The following SLC16A7 variants were observed in gnomAD, a reference collection of about 807,000 sequenced individuals.
The protein encoded by SLC16A7 is solute carrier family 16 member 7, also known as monocarboxylate transporter 2.
A neutral mutation model predicts 34.9 loss-of-function variants in SLC16A7; 33 were observed. The observed-to-expected ratio is 0.94, with a 90% confidence interval of 0.72 to 1.26. SLC16A7 has a LOEUF of 1.26. SLC16A7 is among the 50% of genes most tolerant of loss of function. The pLI is 0.00. For synonymous variants in SLC16A7, 201 were observed against 206.6 expected (o/e 0.97, Z 0.23); for missense variants, 573 against 578.1 (o/e 0.99, Z 0.09).
chr12:59,707,681 G>A (rs1043462587), intron 3 of SLC16A7, among the ~76,000 whole-genome samples: 2 of 152,094 alleles, frequency 1.3e-5, no homozygotes, highest in African/African-American at 4.8e-5. Flanking sequence ...TATTAACAGG[G>A]ATTTTATATA....
intron 4 of SLC16A7, among the ~76,000 whole-genome samples, chr12:59,772,098 A>C (rs1592689052): frequency 6.6e-6 from 1 of 152,142 alleles, no homozygotes; most frequent in East Asian, 1.9e-4. Flanking sequence ...TATTAGGAAA[A>C]ATTGGACTTC....
Position 59,787,619 on chromosome 12 carries a change from A to G in SLC16A7, c.*7940A>G, listed in dbSNP as rs1883715857. On this transcript the variant is annotated 3_prime_UTR_variant, in exon 6 of 6. Transcript: ENST00000547379. ...TTCCCGGTAAAACTGTAAAAACAGT[A>G]ATCTGCATTCAGTATTTGTTTGCCT... The G allele has an allele frequency of 6.6e-6, 1 of 152,210 alleles. No individual in the cohort carries two copies. The highest frequency in any genetic ancestry group is 1.5e-5 in the Non-Finnish European group (1 of 68,034). The allele number at this position is 152,210 out of a possible 1,614,324, so 9.4% of individuals were successfully genotyped here.
intron 3 of SLC16A7, among the ~76,000 whole-genome samples, chr12:59,714,904 T>C (rs1874721252): frequency 6.6e-6 from 1 of 152,170 alleles, no homozygotes; most frequent in Non-Finnish European, 1.5e-5. Context: ...TAGTGGATTA[T>C]GGCCCAACTT....
intron 2 of SLC16A7, among the ~76,000 whole-genome samples, chr12:59,685,831 A>C (rs1283016419): frequency 1.3e-5 from 2 of 152,150 alleles, no homozygotes; most frequent in African/African-American, 4.8e-5. Flanking sequence ...ATAGGAACAT[A>C]TTTTGTTAAA....
Position 59,745,809 on chromosome 12 carries a change from G to A in SLC16A7, c.218-25410G>A, listed in dbSNP as rs186436739. On this transcript the variant is annotated intron_variant, in intron 3 of 5. Transcript: ENST00000547379. ...TTACACTGAAAGCACTGGAAGACTA[G>A]GAAGTTTAATTATCTTTTGTTCATT... 1.1e-3 allele frequency among the ~76,000 whole-genome samples: 170 copies of A among 152,322 alleles called. 2 individuals are homozygous for A. The highest frequency in any genetic ancestry group is 4.0e-3 in the African/African-American group (166 of 41,574).
chr12:59,611,565 T>C (rs1879194275), intron 1 of SLC16A7, among the ~76,000 whole-genome samples: 1 of 152,162 alleles, frequency 6.6e-6, no homozygotes, highest in African/African-American at 2.4e-5. Flanking sequence ...TATAACAAAA[T>C]CATGCCCTTC....
At chr12:59,601,502 G>A (rs1050698785) in intron 1 of SLC16A7, among the ~76,000 whole-genome samples, 1 of 152,118 alleles carries the variant, frequency 6.6e-6, no homozygotes, top group Non-Finnish European at 1.5e-5. Context: ...AATGGCAGTC[G>A]GTGACAGTAT....
intron 3 of SLC16A7, among the ~76,000 whole-genome samples, chr12:59,726,807 C>T (rs750250842): frequency 7.2e-5 from 11 of 151,796 alleles, no homozygotes; most frequent in African/African-American, 2.7e-4. Flanking sequence ...AACTCACCAC[C>T]CAGTAATCAT....
intron 3 of SLC16A7, among the ~76,000 whole-genome samples, chr12:59,762,397 A>G (rs1420782784): frequency 1.3e-5 from 2 of 152,088 alleles, no homozygotes; most frequent in Non-Finnish European, 2.9e-5. Flanking sequence ...TTATATAGTT[A>G]TGACACATTG....
chr12:59,767,138 C>T (rs1309136199), intron 3 of SLC16A7, among the ~76,000 whole-genome samples: 6 of 150,888 alleles, frequency 4.0e-5, no homozygotes, highest in African/African-American at 9.7e-5. Flanking sequence ...TTTCCTTAAA[C>T]GTCATGAATC....
At chr12:59,766,170 A>G (rs947599251) in intron 3 of SLC16A7, among the ~76,000 whole-genome samples, 13 of 152,138 alleles carry the variant, frequency 8.5e-5, no homozygotes, top group African/African-American at 2.9e-4. Context: ...TGATTTTTGC[A>G]CATTGATTTT....
intron 3 of SLC16A7, among the ~76,000 whole-genome samples, chr12:59,713,304 G>C (rs774256479): frequency 1.8e-4 from 28 of 152,068 alleles, no homozygotes; most frequent in Non-Finnish European, 3.7e-4. Flanking sequence ...ACAGGCATGA[G>C]CCACCGCACC....
chr12:59,635,995 A>G (rs892801486), intron 1 of SLC16A7, among the ~76,000 whole-genome samples: 11 of 69,058 alleles, frequency 1.6e-4, no homozygotes, highest in Non-Finnish European at 2.8e-4. Context: ...TATTAAATGC[A>G]CTTCTGTAAA....
intron 3 of SLC16A7, among the ~76,000 whole-genome samples, chr12:59,729,732 G>T (rs1411929987): frequency 6.6e-6 from 1 of 152,080 alleles, no homozygotes; most frequent in Non-Finnish European, 1.5e-5. Context: ...CTTAAAATAG[G>T]TCTTCATTTG....
At chr12:59,711,350 T>C (rs1287235353) in intron 3 of SLC16A7, among the ~76,000 whole-genome samples, 1 of 152,234 alleles carries the variant, frequency 6.6e-6, no homozygotes, top group East Asian at 1.9e-4. Flanking sequence ...TGGGTTTTAC[T>C]AGTCACTCAT....
intron 3 of SLC16A7, among the ~76,000 whole-genome samples, chr12:59,756,102 T>G (rs893352632): frequency 2.6e-5 from 4 of 152,078 alleles, no homozygotes; most frequent in Non-Finnish European, 5.9e-5. Flanking sequence ...ATACAAAAAT[T>G]AATTCAAGAT....
rs141294628 is a variant in SLC16A7 at position 59,611,009 on chromosome 12, T to A, written c.-130+14773T>A. On this transcript the variant is annotated intron_variant, in intron 1 of 5. Transcript: ENST00000547379. ...AGTGTCTGGTGGCCTGCTTTCTGAT[T>A]CACAGATAGCAGTGTTATACCTGTG... Among the ~76,000 whole-genome samples, 45 of 152,282 alleles carry A rather than the reference T, an allele frequency of 3.0e-4. 1 individual carries two copies. In the East Asian group the frequency reaches 7.9e-3, roughly 27 times the overall value.
chr12:59,658,475 T>A (rs371392696), intron 2 of SLC16A7, among the ~76,000 whole-genome samples: 1 of 151,998 alleles, frequency 6.6e-6, no homozygotes, highest in Non-Finnish European at 1.5e-5. Flanking sequence ...AACAGAAGAG[T>A]AGCAGAGAAA....
chr12:59,752,458 G>A (rs1037456961), intron 3 of SLC16A7, among the ~76,000 whole-genome samples: 7 of 152,222 alleles, frequency 4.6e-5, no homozygotes, highest in Non-Finnish European at 8.8e-5. Flanking sequence ...CGTGAAAAAT[G>A]CAGAAACCTC....
Sources: gnomAD v4.1 joint callset for allele counts (sites outside exome capture counted in the v4.1 genomes callset) on GRCh38, gnomAD v4.1.1 for gene constraint, MANE v1.5 for transcripts, NCBI Gene and HGNC (gene_info 2026-07-23, HGNC 2026-07-21) for gene names.